Variants in HCK observed in about 807,000 individuals in gnomAD.
HCK encodes the protein tyrosine-protein kinase HCK.
HCK carries 40 observed loss-of-function variants against 70.4 expected under a neutral mutation model. The observed-to-expected ratio is 0.57, with a 90% CI of 0.44 to 0.74. The LOEUF is 0.74. HCK is among the 30% of genes least tolerant of loss of function. The pLI is 0.00. For synonymous variants in HCK, 245 were observed against 263.2 expected (o/e 0.93, Z 0.67); for missense variants, 568 against 697.2 (o/e 0.81, Z 2.09).
chr20:32,085,296 C>CA (rs537460480), intron 8 of HCK, among the ~76,000 whole-genome samples: 152 of 152,256 alleles, frequency 1.0e-3, no homozygotes, highest in African/African-American at 3.3e-3. Flanking sequence ...GTGGATCAAT[C>CA]AAGGTCAGCA....
intron 8 of HCK, 49 bp downstream of exon 8, chr20:32,084,592 G>A (rs369813714): frequency 9.1e-6 from 14 of 1,541,028 alleles, no homozygotes; most frequent in Non-Finnish European, 1.2e-5. Flanking sequence ...GGAGGGGAGA[G>A]GGAGGCCACT....
At chr20:32,057,709 C>T (rs2045293916) in intron 1 of HCK, among the ~76,000 whole-genome samples, 1 of 152,190 alleles carries the variant, frequency 6.6e-6, no homozygotes, top group Admixed American at 6.5e-5. Flanking sequence ...TTTCTTACAT[C>T]TTTTTGTTGT....
chr20:32,074,533 G>C, intron 4 of HCK, 90 bp from the exon 5 acceptor site: 5 of 905,382 alleles, frequency 5.5e-6, no homozygotes, highest in Non-Finnish European at 7.4e-6. Flanking sequence ...TCTGGAGGCA[G>C]GGAGTTTTCT....
rs1038193916 is a variant in HCK at position 32,052,337 on chromosome 20, C to G, written c.-88C>G. The stretch of plus-strand genomic sequence containing the variant: ...GCAGGACGAGAAACGCCCGCGGCAC[C>G]AAAGCCCCTCAGAGCGTCGCCCCCG... On this transcript the variant is annotated 5_prime_UTR_variant, in exon 1 of 13. Transcript: ENST00000375852. 21 of 982,214 alleles carry G rather than the reference C, an allele frequency of 2.1e-5. No individual in the cohort carries two copies. In the South Asian group the frequency reaches 8.8e-4, roughly 41 times the overall value. 60.8% of individuals were successfully genotyped at this position (982,214 alleles called of 1,614,324 possible).
chr20:32,055,949 C>T (rs146570583), intron 1 of HCK, among the ~76,000 whole-genome samples: 1 of 152,326 alleles, frequency 6.6e-6, no homozygotes, highest in Admixed American at 6.5e-5. Flanking sequence ...TAGCTTCTTC[C>T]ACTTAACATA....
chr20:32,057,725 A>T (rs1453819358), intron 1 of HCK, among the ~76,000 whole-genome samples: 1 of 151,914 alleles, frequency 6.6e-6, no homozygotes, highest in Non-Finnish European at 1.5e-5. Flanking sequence ...GTTGTTGTTT[A>T]TTTTTCTTTT....
At chr20:32,057,840 C>T (rs1269785920) in intron 1 of HCK, among the ~76,000 whole-genome samples, 2 of 152,220 alleles carry the variant, frequency 1.3e-5, no homozygotes, top group Non-Finnish European at 2.9e-5. Context: ...AGTTTCCTCC[C>T]CCACAGGACT....
At chr20:32,059,279 TCTTCCTTC>T (rs11272727) in intron 1 of HCK, among the ~76,000 whole-genome samples, 1 of 145,960 alleles carries the variant, frequency 6.9e-6, no homozygotes, top group Non-Finnish European at 1.5e-5. Context: ...AATGTTTTAA[TCTTCCTTC>T]CTTCCTTCCC....
chr20:32,062,032 G>C (rs565526417), intron 1 of HCK, among the ~76,000 whole-genome samples: 1 of 148,448 alleles, frequency 6.7e-6, no homozygotes, highest in African/African-American at 2.5e-5. Flanking sequence ...CTCTGACTCT[G>C]GGGTTCAAGC....
intron 5 of HCK, among the ~76,000 whole-genome samples, chr20:32,076,315 C>T (rs1246637425): frequency 3.3e-5 from 5 of 151,704 alleles, no homozygotes; most frequent in African/African-American, 7.3e-5. Context: ...GGGACAAGAG[C>T]GATACTCTGT....
At chr20:32,074,090 G>A (rs146670822) in intron 4 of HCK, among the ~76,000 whole-genome samples, 24 of 152,262 alleles carry the variant, frequency 1.6e-4, no homozygotes, top group African/African-American at 5.5e-4. Context: ...TTAAGCCACC[G>A]GCTTTACCTG....
chr20:32,092,436 C>T (rs2045877370), intron 10 of HCK, among the ~76,000 whole-genome samples: 1 of 152,172 alleles, frequency 6.6e-6, no homozygotes, highest in Non-Finnish European at 1.5e-5. Context: ...TTGTCCAAAC[C>T]CTTGTAAGTA....
intron 5 of HCK, 141 bp from the exon 6 acceptor site, chr20:32,079,633 G>A: frequency 1.7e-6 from 1 of 587,438 alleles, no homozygotes; most frequent in South Asian, 2.1e-5. Context: ...AAAAATCTTT[G>A]AGTAAAACTG....
At position 32,097,904 on chromosome 20, in the gene HCK, C is replaced by T. The variant is rs201789923; in HGVS notation, c.1247-1100C>T. Among the ~76,000 whole-genome samples the T allele has an allele frequency of 1.1e-4, 16 of 152,118 alleles. No individual in the cohort carries two copies. In the East Asian group the frequency reaches 1.5e-3, roughly 15 times the overall value. ...TAAAAAAGGATAACTATGCCAGGTG[C>T]GGTGGCTCACACCTATAATCCCAGT... On this transcript the variant is annotated intron_variant, in intron 11 of 12. Coordinates refer to ENST00000375852, the MANE Select transcript of HCK (RefSeq NM_002110.5).
chr20:32,054,804 T>TCAAAA (rs1440104895), intron 1 of HCK, among the ~76,000 whole-genome samples: 2 of 152,206 alleles, frequency 1.3e-5, no homozygotes, highest in Non-Finnish European at 1.5e-5. Context: ...AGACTCCGTC[T>TCAAAA]CAAAACAAAA....
intron 1 of HCK, among the ~76,000 whole-genome samples, chr20:32,068,955 C>A (rs1407879331): frequency 6.6e-6 from 1 of 152,060 alleles, no homozygotes; most frequent in Non-Finnish European, 1.5e-5. Context: ...GAAAACAAAT[C>A]ACACTTTATT....
At chr20:32,076,154 C>A (rs993461241) in intron 5 of HCK, among the ~76,000 whole-genome samples, 2 of 152,112 alleles carry the variant, frequency 1.3e-5, no homozygotes, top group Non-Finnish European at 2.9e-5. Flanking sequence ...GTAACCCCAT[C>A]TCTACTAAAA....
chr20:32,077,850 C>T (rs1057281652), intron 5 of HCK, among the ~76,000 whole-genome samples: 3 of 152,012 alleles, frequency 2.0e-5, no homozygotes, highest in South Asian at 2.1e-4. Flanking sequence ...TACCACAGGG[C>T]GTCTGTCCTG....
chr20:32,057,007 GATT>G (rs2122454385), intron 1 of HCK, among the ~76,000 whole-genome samples: 1 of 152,274 alleles, frequency 6.6e-6, no homozygotes, highest in South Asian at 2.1e-4. Flanking sequence ...CACCCGCAGC[GATT>G]ATTTTTAATT....
Sources: allele counts gnomAD v4.1 joint callset (sites outside exome capture counted in the v4.1 genomes callset), GRCh38; gene constraint gnomAD v4.1.1; transcripts MANE v1.5; gene names NCBI Gene and HGNC (gene_info 2026-07-23, HGNC 2026-07-21).